Variants in GALNTL6 observed in about 807,000 individuals in gnomAD.
The protein encoded by GALNTL6 is polypeptide N-acetylgalactosaminyltransferase like 6.
GALNTL6 carries 46 observed loss-of-function variants against 73.7 expected under a neutral mutation model. The ratio of observed to expected loss-of-function variants is 0.62; its 90% CI spans 0.49 to 0.80. The LOEUF (loss-of-function observed/expected upper bound fraction) is 0.80. GALNTL6 is among the 30% of genes least tolerant of loss of function. The pLI is 0.00. For synonymous variants in GALNTL6, 259 were observed against 263.7 expected (o/e 0.98, Z 0.17); for missense variants, 604 against 755.0 (o/e 0.80, Z 2.34).
intron 5 of GALNTL6, among the ~76,000 whole-genome samples, chr4:172,612,590 T>G (rs557031925): frequency 6.6e-6 from 1 of 152,176 alleles, no homozygotes; most frequent in East Asian, 1.9e-4. Context: ...AAATGGGTGT[T>G]CTCATTTTTT....
Position 172,809,844 on chromosome 4 carries a change from G to T in GALNTL6, c.739+298G>T, listed in dbSNP as rs138243788. On this transcript the variant is annotated intron_variant, in intron 6 of 12. Transcript: ENST00000506823. The surrounding 1 kb of genome is among the most constrained non-coding windows in gnomAD (Gnocchi z 4.4). ...TCCTTTAGTGTAGTCACATTCACTG[G>T]GTGAACACTAAAAGAAAAACGTGTC... Among the ~76,000 whole-genome samples the T allele has an allele frequency of 1.0e-4, 15 of 150,264 alleles. No homozygotes were observed. The highest frequency in any genetic ancestry group is 2.7e-4 in the Admixed American group (4 of 15,026).
chr4:172,359,143 A>G (rs1742277145), intron 5 of GALNTL6, among the ~76,000 whole-genome samples: 1 of 152,234 alleles, frequency 6.6e-6, no homozygotes, highest in Non-Finnish European at 1.5e-5. Flanking sequence ...AATGTCCATC[A>G]ATGGCAGACT....
At chr4:172,383,568 A>G (rs572237882) in intron 5 of GALNTL6, among the ~76,000 whole-genome samples, 1 of 152,232 alleles carries the variant, frequency 6.6e-6, no homozygotes, top group South Asian at 2.1e-4. Context: ...CCTCTTTCCA[A>G]TCTGAATACT....
chr4:172,281,399 A>G (rs1368343703), intron 3 of GALNTL6, among the ~76,000 whole-genome samples: 1 of 152,020 alleles, frequency 6.6e-6, no homozygotes, highest in African/African-American at 2.4e-5. Context: ...TATTTCTCTT[A>G]TAAAAGACCC....
At chr4:172,500,252 A>G (rs890112456) in intron 5 of GALNTL6, among the ~76,000 whole-genome samples, 3 of 152,098 alleles carry the variant, frequency 2.0e-5, no homozygotes, top group African/African-American at 4.8e-5. Context: ...GAGACCTTGT[A>G]TCTATGAAAA....
At chr4:172,104,970 C>T (rs560542766) in intron 2 of GALNTL6, among the ~76,000 whole-genome samples, 2 of 152,058 alleles carry the variant, frequency 1.3e-5, no homozygotes, top group South Asian at 4.2e-4. Context: ...TTACAAAGCT[C>T]ATATAGAAAC....
At chr4:172,332,310 A>G (rs895293356) in intron 4 of GALNTL6, among the ~76,000 whole-genome samples, 1 of 152,144 alleles carries the variant, frequency 6.6e-6, no homozygotes, top group South Asian at 2.1e-4. Flanking sequence ...TTATCTAGTC[A>G]GAGTGTTTAC....
chr4:171,844,364 A>T (rs1464876682), intron 2 of GALNTL6, among the ~76,000 whole-genome samples: 2 of 152,134 alleles, frequency 1.3e-5, no homozygotes, highest in Non-Finnish European at 2.9e-5. Context: ...TGAGATGCCC[A>T]TCATTGTCAC....
intron 10 of GALNTL6, among the ~76,000 whole-genome samples, chr4:172,980,229 G>A (rs1751007034): frequency 6.6e-6 from 1 of 152,208 alleles, no homozygotes; most frequent in African/African-American, 2.4e-5. Flanking sequence ...AAAAGCAACT[G>A]TCCCAATCAC....
chr4:172,770,419 A>G (rs1002560034), intron 5 of GALNTL6, among the ~76,000 whole-genome samples: 1 of 152,118 alleles, frequency 6.6e-6, no homozygotes, highest in Non-Finnish European at 1.5e-5. Context: ...TTAATAATCA[A>G]CAATAGCAAA....
intron 5 of GALNTL6, among the ~76,000 whole-genome samples, chr4:172,798,781 G>A (rs1173841531): frequency 6.6e-6 from 1 of 152,186 alleles, no homozygotes; most frequent in African/African-American, 2.4e-5. Flanking sequence ...TAAGAAGGTG[G>A]TGAAGTAGTT....
At chr4:171,853,598 T>C in intron 2 of GALNTL6, among the ~76,000 whole-genome samples, 1 of 111,812 alleles carries the variant, frequency 8.9e-6, no homozygotes, top group East Asian at 2.6e-4. Flanking sequence ...GTTTAGCCAC[T>C]CTTTTTTTTT....
chr4:172,551,407 A>G (rs1014915664), intron 5 of GALNTL6, among the ~76,000 whole-genome samples: 5 of 152,082 alleles, frequency 3.3e-5, no homozygotes, highest in African/African-American at 1.2e-4. Flanking sequence ...GTTCTTTTAA[A>G]CGTCTTCAGA....
At chr4:172,020,265 A>G (rs942535572) in intron 2 of GALNTL6, among the ~76,000 whole-genome samples, 1 of 152,054 alleles carries the variant, frequency 6.6e-6, no homozygotes. Flanking sequence ...CTAGAAAGGC[A>G]AAAGCAAACC....
At chr4:171,886,605 C>G (rs1481211368) in intron 2 of GALNTL6, among the ~76,000 whole-genome samples, 1 of 152,120 alleles carries the variant, frequency 6.6e-6, no homozygotes, top group East Asian at 1.9e-4. Flanking sequence ...TCCAGTTCCA[C>G]GTGGCTGTGG....
chr4:172,054,961 A>G (rs1202206157), intron 2 of GALNTL6, among the ~76,000 whole-genome samples: 1 of 152,138 alleles, frequency 6.6e-6, no homozygotes, highest in Non-Finnish European at 1.5e-5. Context: ...GACTGTCTCA[A>G]TGTGGCATTC....
intron 7 of GALNTL6, among the ~76,000 whole-genome samples, chr4:172,876,828 A>G (rs1037104958): frequency 6.6e-6 from 1 of 152,184 alleles, no homozygotes; most frequent in Non-Finnish European, 1.5e-5. Flanking sequence ...CTGAAATATC[A>G]TTTTACTCCA....
At chr4:173,014,278 G>GA (rs111311256) in intron 11 of GALNTL6, among the ~76,000 whole-genome samples, 41 of 152,316 alleles carry the variant, frequency 2.7e-4, no homozygotes, top group Admixed American at 5.2e-4. Context: ...GATCAAGAAA[G>GA]AAAAACAAAA....
intron 2 of GALNTL6, among the ~76,000 whole-genome samples, chr4:171,904,223 G>A (rs987890015): frequency 7.5e-4 from 114 of 152,040 alleles, no homozygotes; most frequent in African/African-American, 2.6e-3. Flanking sequence ...TCAAACCAAA[G>A]GCAAAGAAGT....
Sources: gnomAD v4.1 joint callset for allele counts (sites outside exome capture counted in the v4.1 genomes callset) on GRCh38, gnomAD v4.1.1 for gene constraint, Gnocchi (gnomAD v3.1) non-coding constraint, MANE v1.5 for transcripts, NCBI Gene and HGNC (gene_info 2026-07-23, HGNC 2026-07-21) for gene names.